ACKR2: variants seen among roughly 807,000 people sequenced by gnomAD.
ACKR2 encodes C-C chemokine receptor D6.
For missense variants in ACKR2, 457 were observed against 477.3 expected (o/e 0.96, Z 0.40); for synonymous variants, 207 against 192.2 (o/e 1.08, Z -0.64).
At chr3:42,818,933 A>C (rs1700781617) in intron 1 of ACKR2, among the ~76,000 whole-genome samples, 1 of 151,674 alleles carries the variant, frequency 6.6e-6, no homozygotes, top group Non-Finnish European at 1.5e-5. Flanking sequence ...TGGATCTTGG[A>C]TTCTTTGCAG....
intron 1 of ACKR2, among the ~76,000 whole-genome samples, chr3:42,816,934 G>C (rs1700756811): frequency 6.6e-6 from 1 of 152,180 alleles, no homozygotes; most frequent in Non-Finnish European, 1.5e-5. Flanking sequence ...ATTTGGTAGA[G>C]TGGAAAAGGC....
intron 2 of ACKR2, among the ~76,000 whole-genome samples, chr3:42,829,891 G>A (rs1700912859): frequency 6.6e-6 from 1 of 152,134 alleles, no homozygotes. Flanking sequence ...AAGAGTTTAG[G>A]GGCAGCAGGT....
intron 2 of ACKR2, chr3:42,843,777 C>G (rs1211499854): frequency 6.6e-6 from 1 of 152,274 alleles, no homozygotes; most frequent in Non-Finnish European, 1.5e-5. Flanking sequence ...GGAGAGAGGA[C>G]TGGGATCAGG....
intron 2 of ACKR2, chr3:42,834,571 A>C (rs539142105): frequency 6.6e-6 from 1 of 151,670 alleles, no homozygotes; most frequent in African/African-American, 2.4e-5. Context: ...TTAATTAATT[A>C]ATTAATTTAT....
chr3:42,810,842 A>T (rs1327116872), intron 1 of ACKR2, among the ~76,000 whole-genome samples: 3 of 152,222 alleles, frequency 2.0e-5, no homozygotes, highest in Non-Finnish European at 2.9e-5. Context: ...TGTAAGGGTG[A>T]TTCCTAACAC....
chr3:42,851,570 G>T, intron 2 of ACKR2: 1 of 321,978 alleles, frequency 3.1e-6, no homozygotes, highest in Non-Finnish European at 4.5e-6. Flanking sequence ...AGAGGGAGGT[G>T]CTAAGTCAGT....
At chr3:42,826,617 C>G (rs1328605315) in intron 2 of ACKR2, among the ~76,000 whole-genome samples, 1 of 151,920 alleles carries the variant, frequency 6.6e-6, no homozygotes, top group Non-Finnish European at 1.5e-5. Flanking sequence ...CAATTAGAGT[C>G]TTCTCCCTTT....
chr3:42,819,822 A>G (rs1700791926), intron 2 of ACKR2, 111 bp downstream of exon 2: 1 of 152,216 alleles, frequency 6.6e-6, no homozygotes, highest in South Asian at 2.1e-4. Flanking sequence ...CTCACCCACC[A>G]TTTACACAGT....
At chr3:42,810,406 TA>T (rs1272935179) in intron 1 of ACKR2, among the ~76,000 whole-genome samples, 4 of 142,462 alleles carry the variant, frequency 2.8e-5, no homozygotes, top group African/African-American at 9.9e-5. Context: ...TAATTCATAG[TA>T]CCCCCCCCCA....
At chr3:42,810,656 G>A (rs999442969) in intron 1 of ACKR2, among the ~76,000 whole-genome samples, 2 of 151,862 alleles carry the variant, frequency 1.3e-5, no homozygotes, top group African/African-American at 2.4e-5. Flanking sequence ...TGTACGACCC[G>A]ACCACTACCA....
At chr3:42,863,409 G>A (rs952419785) in intron 2 of ACKR2, among the ~76,000 whole-genome samples, 3 of 152,222 alleles carry the variant, frequency 2.0e-5, no homozygotes, top group Non-Finnish European at 2.9e-5. Flanking sequence ...TACACTGTTG[G>A]TGGGAGTGTA....
At chr3:42,815,736 C>T (rs537372264) in intron 1 of ACKR2, among the ~76,000 whole-genome samples, 8 of 152,270 alleles carry the variant, frequency 5.3e-5, no homozygotes, top group African/African-American at 1.4e-4. Context: ...GCATCATATC[C>T]GACCATGTTC....
At chr3:42,838,938 C>T (rs557263731) in intron 2 of ACKR2, among the ~76,000 whole-genome samples, 1 of 152,108 alleles carries the variant, frequency 6.6e-6, no homozygotes, top group Non-Finnish European at 1.5e-5. Context: ...CGAAACATAC[C>T]CAACAGAAAA....
In ACKR2 at chr3:42,865,523, C is replaced by T. The variant is rs747635803; in HGVS notation, c.1021C>T (p.Gln341Ter). The change falls in exon 3 of 3, where the codon CAG becomes TAG. Residue 341 changes from glutamine (Q) to a stop codon, truncating the protein, a stop_gained. Transcript: ENST00000422265. LOFTEE classifies it low-confidence loss of function (END_TRUNC). ...ATGGCACCTGGCACCTGGCACTGCC[C>T]AGGCCTCATTATCCAGCTGTTCTGA... ...LGWHLAPGTA[Q>*]ASLSSCSESS... 1.7e-5 allele frequency: 28 copies of T among 1,614,036 alleles called. No individual in the cohort carries two copies. Among genetic ancestry groups the T allele is most frequent in the Non-Finnish European group, 2.1e-5 (25 of 1,180,028 alleles).
At chr3:42,838,054 G>T (rs559472558) in intron 2 of ACKR2, among the ~76,000 whole-genome samples, 1 of 152,098 alleles carries the variant, frequency 6.6e-6, no homozygotes, top group South Asian at 2.1e-4. Flanking sequence ...TCAATCATAG[G>T]CCTAAAAGTA....
chr3:42,845,935 G>C (rs116091530), intron 2 of ACKR2, among the ~76,000 whole-genome samples: 3,325 of 152,034 alleles, frequency 0.022, 70 homozygotes, highest in South Asian at 0.08. Context: ...TGTATCTGGG[G>C]AGAGGGGAAA....
At chr3:42,858,864 A>G (rs2088350717) in intron 2 of ACKR2, among the ~76,000 whole-genome samples, 1 of 152,050 alleles carries the variant, frequency 6.6e-6, no homozygotes, top group African/African-American at 2.4e-5. Context: ...ACAGCATGAG[A>G]ACTTTGTGAA....
chr3:42,840,660 A>C (rs1701027757), intron 2 of ACKR2, among the ~76,000 whole-genome samples: 1 of 152,182 alleles, frequency 6.6e-6, no homozygotes, highest in Non-Finnish European at 1.5e-5. Flanking sequence ...ATGATACTCT[A>C]TGTTGAGTGT....
Position 42,864,803 on chromosome 3 carries a change from T to C in ACKR2, c.301T>C (p.Phe101Leu), listed in dbSNP as rs745670940. 1 of 1,614,222 alleles carries C rather than the reference T, an allele frequency of 6.2e-7. No homozygotes were observed. The highest frequency in any genetic ancestry group is 1.7e-5 in the Admixed American group (1 of 60,032). ...SNLLFLVTLP[F>L]WGISVAWHWV... ...CCTTCTGTTTCTGGTGACACTGCCC[T>C]TCTGGGGCATCTCCGTGGCCTGGCA... Residue 101 changes from phenylalanine to leucine, a missense_variant, in exon 3 of 3, where the codon TTC becomes CTC. Phe to Leu is a conservative substitution (Grantham distance 22). Coordinates refer to ENST00000422265, the MANE Select transcript of ACKR2 (RefSeq NM_001296.5).
Sources: gnomAD v4.1 joint callset for allele counts (sites outside exome capture counted in the v4.1 genomes callset) on GRCh38, gnomAD v4.1.1 for gene constraint, MANE v1.5 for transcripts, NCBI Gene and HGNC (gene_info 2026-07-23, HGNC 2026-07-21) for gene names.